CCSER1: variants seen among roughly 807,000 people sequenced by gnomAD.
The protein encoded by CCSER1 is coiled-coil serine rich protein 1.
Under a neutral mutation model 82.0 loss-of-function variants are expected in CCSER1, and 41 were observed. The ratio of observed to expected loss-of-function variants is 0.50; its 90% CI spans 0.39 to 0.65. CCSER1 has a LOEUF of 0.65. Ranked by LOEUF, CCSER1 falls within the 30% of genes least tolerant of loss-of-function variation. The pLI is 0.00. For synonymous variants in CCSER1, 414 were observed against 383.9 expected (o/e 1.08, Z -0.92); for missense variants, 1,119 against 1,064.2 (o/e 1.05, Z -0.72).
chr4:90,946,302 C>T (rs963514980), intron 9 of CCSER1, among the ~76,000 whole-genome samples: 3 of 152,118 alleles, frequency 2.0e-5, no homozygotes, highest in African/African-American at 7.2e-5. Flanking sequence ...TTAAAAACAA[C>T]AGCAAACTCA....
chr4:90,759,371 T>C (rs1434702219), intron 7 of CCSER1, among the ~76,000 whole-genome samples: 1 of 152,146 alleles, frequency 6.6e-6, no homozygotes, highest in Non-Finnish European at 1.5e-5. Flanking sequence ...ATATTGGGAA[T>C]AGGACAAAAT....
intron 10 of CCSER1, among the ~76,000 whole-genome samples, chr4:91,280,002 T>A (rs1195245176): frequency 2.0e-5 from 3 of 152,230 alleles, no homozygotes; most frequent in African/African-American, 7.2e-5. Context: ...ATATGATTTA[T>A]TGGCTGTAAA....
intron 3 of CCSER1, among the ~76,000 whole-genome samples, chr4:90,317,344 G>A (rs7668943): frequency 0.28 from 42,729 of 152,118 alleles, 6,352 homozygotes; most frequent in African/African-American, 0.37. Context: ...GGGCGTGGTG[G>A]CTCAAGCCTG....
chr4:90,738,091 G>T (rs1415824911), intron 7 of CCSER1, among the ~76,000 whole-genome samples: 1 of 152,064 alleles, frequency 6.6e-6, no homozygotes, highest in Non-Finnish European at 1.5e-5. Flanking sequence ...TTCAGCATTG[G>T]CCACTGGAGC....
intron 3 of CCSER1, among the ~76,000 whole-genome samples, chr4:90,385,176 T>A (rs187215501): frequency 6.6e-6 from 1 of 152,284 alleles, no homozygotes; most frequent in East Asian, 1.9e-4. Context: ...TTTTGAATTG[T>A]GCTGTGATAA....
At chr4:91,359,676 A>G (rs1473331827) in intron 10 of CCSER1, among the ~76,000 whole-genome samples, 1 of 151,610 alleles carries the variant, frequency 6.6e-6, no homozygotes, top group Non-Finnish European at 1.5e-5. Flanking sequence ...AAGGATATTG[A>G]AAAAGGGCTA....
rs149035015 is a variant in CCSER1 at position 91,305,976 on chromosome 4, T to G, written c.2217+219982T>G. Among the ~76,000 whole-genome samples the G allele has an allele frequency of 2.5e-3, 382 of 151,538 alleles. 1 individual carries two copies. The highest frequency in any genetic ancestry group is 0.01 in the Middle Eastern group (3 of 294). On this transcript the variant is annotated intron_variant, in intron 10 of 10. Coordinates refer to ENST00000509176, the MANE Select transcript of CCSER1 (RefSeq NM_001145065.2). ...TCAGTTATCTCCCACCAGGTCCCTC[T>G]CATAACACATGGGAATTATGGGAGC... is the stretch of plus-strand genomic sequence containing the variant.
chr4:90,872,502 T>C (rs1766663841), intron 8 of CCSER1, among the ~76,000 whole-genome samples: 1 of 151,956 alleles, frequency 6.6e-6, no homozygotes, highest in South Asian at 2.1e-4. Flanking sequence ...GAATAAAAAT[T>C]ATACTGTAAC....
chr4:91,508,168 T>G (rs1759620527), intron 10 of CCSER1, among the ~76,000 whole-genome samples: 1 of 145,696 alleles, frequency 6.9e-6, no homozygotes, highest in Admixed American at 6.9e-5. Flanking sequence ...CTGGGTTTTT[T>G]TTTTTTTTTT....
chr4:90,515,055 A>G (rs1221773582), intron 5 of CCSER1, among the ~76,000 whole-genome samples: 1 of 151,862 alleles, frequency 6.6e-6, no homozygotes, highest in African/African-American at 2.4e-5. Flanking sequence ...ATGGGGTTTC[A>G]CCATGTTGGT....
At chr4:91,391,258 A>G (rs1751632973) in intron 10 of CCSER1, among the ~76,000 whole-genome samples, 1 of 151,928 alleles carries the variant, frequency 6.6e-6, no homozygotes, top group African/African-American at 2.4e-5. Context: ...ACTCTCATCT[A>G]GTTCAAATAT....
At chr4:90,609,168 G>A (rs1158317965) in intron 5 of CCSER1, among the ~76,000 whole-genome samples, 1 of 151,698 alleles carries the variant, frequency 6.6e-6, no homozygotes, top group African/African-American at 2.4e-5. Context: ...ATACTTAGAC[G>A]TTTGTTTCCA....
intron 9 of CCSER1, among the ~76,000 whole-genome samples, chr4:91,031,731 A>G (rs1740999519): frequency 6.6e-6 from 1 of 152,118 alleles, no homozygotes; most frequent in Non-Finnish European, 1.5e-5. Context: ...TTTTGCAGTT[A>G]CATAAATTCT....
chr4:91,050,262 C>A (rs1742878468), intron 9 of CCSER1, among the ~76,000 whole-genome samples: 2 of 152,060 alleles, frequency 1.3e-5, no homozygotes, highest in South Asian at 4.1e-4. Context: ...GAAACCCTGT[C>A]TCTATTAAAA....
chr4:91,035,023 A>T (rs1031300453), intron 9 of CCSER1, among the ~76,000 whole-genome samples: 5 of 152,308 alleles, frequency 3.3e-5, no homozygotes, highest in Admixed American at 6.5e-5. Flanking sequence ...TGTTTCAAAA[A>T]GGGTTTTTTA....
chr4:91,156,522 A>T (rs1167041009), intron 10 of CCSER1, among the ~76,000 whole-genome samples: 7 of 151,504 alleles, frequency 4.6e-5, no homozygotes, highest in Admixed American at 2.0e-4. Context: ...AAAGAATTAA[A>T]TTATTAGAAT....
intron 4 of CCSER1, among the ~76,000 whole-genome samples, chr4:90,459,751 T>C (rs1453269787): frequency 6.6e-6 from 1 of 152,234 alleles, no homozygotes; most frequent in Non-Finnish European, 1.5e-5. Flanking sequence ...AATGACACTT[T>C]ATTCATAATT....
intron 6 of CCSER1, among the ~76,000 whole-genome samples, chr4:90,717,196 C>G (rs1400366809): frequency 6.6e-6 from 1 of 152,050 alleles, no homozygotes; most frequent in Non-Finnish European, 1.5e-5. Flanking sequence ...ATTATATGCT[C>G]ACATCTATTT....
intron 7 of CCSER1, among the ~76,000 whole-genome samples, chr4:90,743,507 T>TATA (rs1561054967): frequency 6.6e-6 from 1 of 152,220 alleles, no homozygotes; most frequent in Non-Finnish European, 1.5e-5. Context: ...GGAAGCCTTA[T>TATA]GTCAGAATAT....
Sources: gnomAD v4.1 joint callset for allele counts (sites outside exome capture counted in the v4.1 genomes callset) on GRCh38, gnomAD v4.1.1 for gene constraint, MANE v1.5 for transcripts, NCBI Gene and HGNC (gene_info 2026-07-23, HGNC 2026-07-21) for gene names.